MACROH2A2: variants seen among roughly 807,000 people sequenced by gnomAD.
MACROH2A2 encodes the protein macroH2A.2 histone, also known as core histone macro-H2A.2.
MACROH2A2 carries 6 observed loss-of-function variants against 37.6 expected under a neutral mutation model. The ratio of observed to expected loss-of-function variants is 0.16; its 90% CI spans 0.09 to 0.32. MACROH2A2 has a LOEUF of 0.32. MACROH2A2 is among the 10% of genes least tolerant of loss of function. The probability of loss-of-function intolerance (pLI) is 1.00; values close to 1 mark genes in which losing one functional copy is unlikely to be tolerated. For synonymous variants in MACROH2A2, 192 were observed against 202.7 expected (o/e 0.95, Z 0.45); for missense variants, 290 against 485.9 (o/e 0.60, Z 3.79).
intron 1 of MACROH2A2, among the ~76,000 whole-genome samples, chr10:70,061,046 C>T (rs1298192710): frequency 1.3e-5 from 2 of 151,888 alleles, no homozygotes; most frequent in African/African-American, 2.4e-5. Context: ...TTATGAAGGC[C>T]ATCAGCATGT....
intron 3 of MACROH2A2, 24 bp downstream of exon 3, chr10:70,090,190 G>T: frequency 1.0e-5 from 15 of 1,479,880 alleles, no homozygotes; most frequent in Non-Finnish European, 1.3e-5. Context: ...CTTGAGGGAA[G>T]CCGTAGAATG....
chr10:70,090,074 T>C lies in MACROH2A2; in HGVS notation c.187T>C (p.Leu63=), dbSNP rs759390770. Residue 63 remains leucine (L), a synonymous_variant, in exon 3 of 9, where the codon TTG becomes CTG. Transcript: ENST00000373255. The part of the protein sequence containing the change: ...IEYLAAEILE[L]AGNAARDNKK... ...TGTGATTTCAGCGGAAATTCTAGAA[T>C]TGGCCGGCAATGCCGCGAGGGACAA... 6.2e-7 allele frequency: 1 copy of C among 1,612,766 alleles called. No homozygotes were observed. The highest frequency in any genetic ancestry group is 8.5e-7 in the Non-Finnish European group (1 of 1,178,724).
chr10:70,082,157 C>T (rs1480919007), intron 2 of MACROH2A2, among the ~76,000 whole-genome samples: 2 of 152,172 alleles, frequency 1.3e-5, no homozygotes, highest in African/African-American at 2.4e-5. Flanking sequence ...CAGTGGCTCA[C>T]GCCTGTAATC....
intron 7 of MACROH2A2, among the ~76,000 whole-genome samples, chr10:70,106,886 T>A (rs1589841753): frequency 6.7e-6 from 1 of 148,274 alleles, no homozygotes; most frequent in African/African-American, 2.5e-5. Context: ...ATATATGAAA[T>A]AAATCAGCCA....
At chr10:70,102,512 T>C (rs1488131740) in intron 7 of MACROH2A2, among the ~76,000 whole-genome samples, 2 of 150,410 alleles carry the variant, frequency 1.3e-5, no homozygotes, top group African/African-American at 2.4e-5. Context: ...AGGACAGGAG[T>C]TCAAGACCGG....
chr10:70,111,726 C>A lies in MACROH2A2; in HGVS notation c.*43C>A. On this transcript the variant is annotated 3_prime_UTR_variant, in exon 9 of 9. Coordinates refer to ENST00000373255, the MANE Select transcript of MACROH2A2 (RefSeq NM_018649.3). ...AGGGATCGGAGGACGACCCGAGTCC[C>A]AAGAGTGGGGTTTTGCTTTTTAAAA... The A allele has an allele frequency of 6.6e-7, 1 of 1,507,524 alleles. No homozygotes were observed. The highest frequency in any genetic ancestry group is 8.9e-7 in the Non-Finnish European group (1 of 1,121,500). The allele number at this position is 1,507,524 out of a possible 1,614,324, so 93.4% of individuals were successfully genotyped here.
chr10:70,088,221 C>T (rs575868530), intron 2 of MACROH2A2, among the ~76,000 whole-genome samples: 49 of 151,872 alleles, frequency 3.2e-4, no homozygotes, highest in Non-Finnish European at 6.3e-4. Flanking sequence ...AGTACATTCA[C>T]GCACACACAC....
At chr10:70,062,619 G>T (rs563577619) in intron 1 of MACROH2A2, among the ~76,000 whole-genome samples, 1 of 152,150 alleles carries the variant, frequency 6.6e-6, no homozygotes, top group Non-Finnish European at 1.5e-5. Context: ...AAGCCGTCTC[G>T]TGAGTCTAGA....
intron 5 of MACROH2A2, 76 bp from the exon 6 acceptor site, chr10:70,095,578 G>A: frequency 1.3e-6 from 1 of 759,642 alleles, no homozygotes; most frequent in Non-Finnish European, 2.4e-6. Flanking sequence ...GAGAATTAAT[G>A]AATGCAAGTA....
intron 1 of MACROH2A2, among the ~76,000 whole-genome samples, chr10:70,061,078 C>T (rs543507095): frequency 2.0e-5 from 3 of 152,210 alleles, no homozygotes; most frequent in South Asian, 4.1e-4. Flanking sequence ...TATCCTTTCT[C>T]CCCAAAAGCA....
rs59744572 is a variant in MACROH2A2 at position 70,103,784 on chromosome 10, CA to C, written c.778+3496del. On this transcript the variant is annotated intron_variant, in intron 7 of 8. Transcript: ENST00000373255. The stretch of plus-strand genomic sequence containing the variant: ...CTACTGACAGCAGACTTCTCATCAG[CA>C]AAAAAAAAGATGTGTGGAAACAGGA... Among the ~76,000 whole-genome samples the C allele has an allele frequency of 9.6e-5, 14 of 145,818 alleles. No homozygotes were observed. The East Asian group carries it at 2.6e-3, about 27-fold the overall frequency.
At chr10:70,106,433 T>C (rs2072337867) in intron 7 of MACROH2A2, among the ~76,000 whole-genome samples, 1 of 152,202 alleles carries the variant, frequency 6.6e-6, no homozygotes, top group Non-Finnish European at 1.5e-5. Flanking sequence ...GACTGAAATG[T>C]CATCGTGCAC....
chr10:70,085,997 T>C (rs763097033), intron 2 of MACROH2A2, among the ~76,000 whole-genome samples: 13 of 142,278 alleles, frequency 9.1e-5, no homozygotes, highest in Non-Finnish European at 1.5e-4. Flanking sequence ...TTCATTTGCT[T>C]TGAATTTTTT....
At chr10:70,105,398 G>A (rs745503381) in intron 7 of MACROH2A2, among the ~76,000 whole-genome samples, 1 of 152,226 alleles carries the variant, frequency 6.6e-6, no homozygotes, top group Non-Finnish European at 1.5e-5. Flanking sequence ...CAGAGGCCCG[G>A]AGAGAATGGG....
chr10:70,073,022 C>G (rs2072119344), intron 1 of MACROH2A2, among the ~76,000 whole-genome samples: 1 of 152,086 alleles, frequency 6.6e-6, no homozygotes. Context: ...CCATTATGAT[C>G]ATACAGGACC....
chr10:70,073,906 T>A lies in MACROH2A2; in HGVS notation c.-59-1694T>A, dbSNP rs144377279. Among the ~76,000 whole-genome samples, 853 of 152,330 alleles carry A rather than the reference T, an allele frequency of 5.6e-3. 8 individuals carry two copies. The highest frequency in any genetic ancestry group is 0.02 in the African/African-American group (815 of 41,582). ...GGTATGATGACCTAACCAGGATCAA[T>A]GGATAGAACCAATTTCAATTTGTTC... is the stretch of plus-strand genomic sequence containing the variant. On this transcript the variant is annotated intron_variant, in intron 1 of 8. Coordinates refer to ENST00000373255, the MANE Select transcript of MACROH2A2 (RefSeq NM_018649.3).
Position 70,075,065 on chromosome 10 carries a change from G to A in MACROH2A2, c.-59-535G>A, listed in dbSNP as rs985905897. 6.6e-6 allele frequency among the ~76,000 whole-genome samples: 1 copy of A among 152,160 alleles called. No individual in the cohort carries two copies. On this transcript the variant is annotated intron_variant, in intron 1 of 8. Coordinates refer to ENST00000373255, the MANE Select transcript of MACROH2A2 (RefSeq NM_018649.3). The surrounding 1 kb of genome is among the most constrained non-coding windows in gnomAD (Gnocchi z 5.0). The stretch of plus-strand genomic sequence containing the variant: ...TGGGCTAAAGTCAAGGTATCAGCAG[G>A]ACTAATTCCTTCTGATGGCTTTGAG...
At chr10:70,093,714 C>T (rs1034756358) in intron 4 of MACROH2A2, 21 bp from the exon 5 acceptor site, 4 of 1,379,988 alleles carry the variant, frequency 2.9e-6, no homozygotes, top group Non-Finnish European at 4.1e-6. Flanking sequence ...TCTCATCTTG[C>T]CTTTTGATTT....
chr10:70,097,852 T>C (rs1055691961), intron 6 of MACROH2A2, among the ~76,000 whole-genome samples: 31 of 152,314 alleles, frequency 2.0e-4, no homozygotes, highest in African/African-American at 7.5e-4. Flanking sequence ...CACACTCCTG[T>C]AGTCCCAGCT....
Sources: allele counts gnomAD v4.1 joint callset (sites outside exome capture counted in the v4.1 genomes callset), GRCh38; gene constraint gnomAD v4.1.1; non-coding constraint Gnocchi (gnomAD v3.1); transcripts MANE v1.5; gene names NCBI Gene and HGNC (gene_info 2026-07-23, HGNC 2026-07-21).